The following DCAF1 variants were observed in gnomAD, a reference collection of about 807,000 sequenced individuals.
DCAF1 encodes the protein DDB1- and CUL4-associated factor 1.
In DCAF1, 15 loss-of-function variants were observed where a neutral mutation model predicts 128.0. The ratio of observed to expected loss-of-function variants is 0.12; its 90% CI spans 0.08 to 0.18. The LOEUF is 0.18. Among genes scored for constraint, DCAF1 ranks in the 10% least tolerant of loss-of-function variants. DCAF1 has a pLI of 1.00. For missense variants in DCAF1, 988 were observed against 1,649.5 expected (o/e 0.60, Z 6.95); for synonymous variants, 610 against 603.0 (o/e 1.01, Z -0.17).
At chr3:51,440,476 G>A (rs1701265081) in intron 9 of DCAF1, among the ~76,000 whole-genome samples, 1 of 152,162 alleles carries the variant, frequency 6.6e-6, no homozygotes, top group East Asian at 1.9e-4. Context: ...AAGCATGGTG[G>A]CATGCACTTG....
At chr3:51,433,371 C>T in intron 9 of DCAF1, 107 bp from the exon 10 acceptor site, 1 of 396,506 alleles carries the variant, frequency 2.5e-6, no homozygotes, top group Non-Finnish European at 4.4e-6. Context: ...TCTAAGGAGA[C>T]AACCAACCCC....
At chr3:51,439,215 GCC>G (rs1239464379) in intron 9 of DCAF1, among the ~76,000 whole-genome samples, 1 of 151,510 alleles carries the variant, frequency 6.6e-6, no homozygotes, top group Non-Finnish European at 1.5e-5. Flanking sequence ...TGCAACCTCC[GCC>G]TCCCGGGTTC....
intron 23 of DCAF1, among the ~76,000 whole-genome samples, chr3:51,405,075 C>G (rs1349944871): frequency 6.6e-6 from 1 of 152,174 alleles, no homozygotes; most frequent in Non-Finnish European, 1.5e-5. Flanking sequence ...ATTAGCTAAT[C>G]CACTAACAAA....
chr3:51,422,580 G>A (rs55798953), intron 13 of DCAF1, 149 bp from the exon 14 acceptor site: 8 of 589,018 alleles, frequency 1.4e-5, no homozygotes, highest in South Asian at 4.1e-5. Flanking sequence ...TCAAGCTGTC[G>A]CATCAAGAGA....
Position 51,496,768 on chromosome 3 carries a change from T to C in DCAF1, c.-43A>G, listed in dbSNP as rs2108594523. Among the ~76,000 whole-genome samples the C allele has an allele frequency of 6.6e-6, 1 of 152,182 alleles. No individual in the cohort carries two copies. The highest frequency in any genetic ancestry group is 1.9e-4 in the East Asian group (1 of 5,188). On this transcript the variant is annotated 5_prime_UTR_variant, in exon 2 of 25. Transcript: ENST00000684031. ...CTTGGTTATTTAACTTCTCCAAATC[T>C]CAATTTCCTTATCTGCAAGATGGAA...
At chr3:51,494,362 C>A (rs1708008728) in intron 2 of DCAF1, among the ~76,000 whole-genome samples, 1 of 152,008 alleles carries the variant, frequency 6.6e-6, no homozygotes. Context: ...GATCCACCCG[C>A]CTCAGCCTCC....
At chr3:51,428,057 TA>T (rs1700052144) in intron 12 of DCAF1, among the ~76,000 whole-genome samples, 1 of 152,206 alleles carries the variant, frequency 6.6e-6, no homozygotes, top group Non-Finnish European at 1.5e-5. Flanking sequence ...ATAGATTGCT[TA>T]ATCTTTTATC....
intron 1 of DCAF1, among the ~76,000 whole-genome samples, chr3:51,498,049 C>CAAAAAAAAAAAAAAA (rs56734063): frequency 4.8e-5 from 1 of 20,810 alleles, no homozygotes; most frequent in Non-Finnish European, 8.8e-5. Flanking sequence ...GACTCTGTCT[C>CAAAAAAAAAAAAAAA]AAAAAAAAAA....
chr3:51,489,836 T>C (rs1707419999), intron 2 of DCAF1, among the ~76,000 whole-genome samples: 1 of 6,916 alleles, frequency 1.4e-4, no homozygotes, highest in Non-Finnish European at 3.1e-4. Context: ...TGTGTGTATA[T>C]AGATAGATAG....
intron 7 of DCAF1, 93 bp from the exon 8 acceptor site, chr3:51,441,990 C>T (rs1701402626): frequency 1.4e-6 from 2 of 1,481,468 alleles, no homozygotes; most frequent in Non-Finnish European, 1.8e-6. Flanking sequence ...TAACTGGAGA[C>T]TCATGCAGTG....
intron 1 of DCAF1, among the ~76,000 whole-genome samples, chr3:51,497,800 T>G (rs1053072597): frequency 2.9e-4 from 44 of 151,888 alleles, no homozygotes; most frequent in African/African-American, 9.9e-4. Flanking sequence ...GCAGGCTCCT[T>G]TGAGCCCAGG....
chr3:51,456,794 G>C (rs1702968456), intron 6 of DCAF1, among the ~76,000 whole-genome samples: 1 of 152,178 alleles, frequency 6.6e-6, no homozygotes. Context: ...CTGATACCCA[G>C]GCAAACAGGG....
chr3:51,480,507 G>A (rs782399917), intron 3 of DCAF1, among the ~76,000 whole-genome samples: 1 of 149,560 alleles, frequency 6.7e-6, no homozygotes, highest in Non-Finnish European at 1.5e-5. Flanking sequence ...GCTGAGGCAG[G>A]AGAATTGCTT....
intron 14 of DCAF1, among the ~76,000 whole-genome samples, chr3:51,421,444 G>A (rs1484191920): frequency 6.6e-6 from 1 of 151,936 alleles, no homozygotes; most frequent in African/African-American, 2.4e-5. Flanking sequence ...TTTAGTAGAG[G>A]TGGGGTTTCA....
chr3:51,443,613 A>AT (rs1274849658), intron 7 of DCAF1, among the ~76,000 whole-genome samples, 153 bp downstream of exon 7: 1 of 152,152 alleles, frequency 6.6e-6, no homozygotes. Flanking sequence ...GCTATTTTCA[A>AT]TTTTTAAAAA....
At chr3:51,409,777 T>G (rs570769882) in intron 23 of DCAF1, among the ~76,000 whole-genome samples, 1 of 152,164 alleles carries the variant, frequency 6.6e-6, no homozygotes, top group East Asian at 1.9e-4. Context: ...GTGTCTAAGG[T>G]AGCAAACTGA....
intron 1 of DCAF1, among the ~76,000 whole-genome samples, chr3:51,498,479 T>C (rs1205021650): frequency 6.6e-6 from 1 of 151,880 alleles, no homozygotes; most frequent in Non-Finnish European, 1.5e-5. Flanking sequence ...GGCTCATGTC[T>C]GTAATTCCAA....
chr3:51,432,435 G>T (rs1260606675), intron 10 of DCAF1, among the ~76,000 whole-genome samples: 1 of 151,092 alleles, frequency 6.6e-6, no homozygotes, highest in Non-Finnish European at 1.5e-5. Flanking sequence ...GTGTGTGAAT[G>T]AATCAGTGAG....
chr3:51,454,773 A>C (rs1702717027), intron 6 of DCAF1, among the ~76,000 whole-genome samples: 1 of 151,596 alleles, frequency 6.6e-6, no homozygotes, highest in African/African-American at 2.4e-5. Context: ...TCCCAGGTTC[A>C]CACCATTCTC....
Sources: gnomAD v4.1 joint callset for allele counts (sites outside exome capture counted in the v4.1 genomes callset) on GRCh38, gnomAD v4.1.1 for gene constraint, MANE v1.5 for transcripts, NCBI Gene and HGNC (gene_info 2026-07-23, HGNC 2026-07-21) for gene names.